Variants in RANBP17 observed in about 807,000 individuals in gnomAD.
The protein encoded by RANBP17 is RAN binding protein 17, also known as ran-binding protein 17.
In RANBP17, 158 loss-of-function variants were observed where a neutral mutation model predicts 141.2. That is an observed-to-expected ratio of 1.12 (90% confidence interval 0.98 to 1.28). RANBP17 has a LOEUF of 1.28. Among genes scored for constraint, RANBP17 ranks in the 50% most tolerant of loss-of-function variants. The probability of loss-of-function intolerance (pLI) is 0.00; values close to 1 mark genes in which losing one functional copy is unlikely to be tolerated. For missense variants in RANBP17, 1,438 were observed against 1,290.7 expected, an observed-to-expected ratio of 1.11 and a Z score of -1.75; for synonymous variants, 430 against 450.0, an observed-to-expected ratio of 0.96 and a Z score of 0.56.
chr5:171,231,214 C>T (rs892117199), intron 22 of RANBP17, among the ~76,000 whole-genome samples: 2 of 151,064 alleles, frequency 1.3e-5, no homozygotes, highest in East Asian at 2.0e-4. Context: ...CTCCCAAAGT[C>T]CTTGGATCAC....
At chr5:170,907,937 C>A (rs10062682) in intron 5 of RANBP17, among the ~76,000 whole-genome samples, 91,214 of 151,730 alleles carry the variant, frequency 0.6, 29,184 homozygotes, top group South Asian at 0.9. Flanking sequence ...CCACATTACT[C>A]ATCATCTTAG....
intron 24 of RANBP17, among the ~76,000 whole-genome samples, chr5:171,245,280 A>T (rs1765143928): frequency 6.6e-6 from 1 of 151,950 alleles, no homozygotes; most frequent in Admixed American, 6.5e-5. Context: ...GACATCATGA[A>T]TTTTACATGT....
intron 13 of RANBP17, among the ~76,000 whole-genome samples, chr5:170,955,395 A>G (rs1206490488): frequency 1.3e-5 from 2 of 148,870 alleles, no homozygotes. Flanking sequence ...TATTGATTAT[A>G]TTATTTACCT....
At chr5:170,937,898 TA>T (rs1774011023) in intron 12 of RANBP17, among the ~76,000 whole-genome samples, 1 of 152,224 alleles carries the variant, frequency 6.6e-6, no homozygotes, top group Non-Finnish European at 1.5e-5. Context: ...AGTAAAGAGT[TA>T]GTAATAACTT....
intron 12 of RANBP17, among the ~76,000 whole-genome samples, chr5:170,936,585 G>A (rs1272836799): frequency 6.6e-6 from 1 of 152,102 alleles, no homozygotes; most frequent in African/African-American, 2.4e-5. Flanking sequence ...CCTTGGTCAA[G>A]TATCATTTTG....
At chr5:171,280,343 T>A (rs567491206) in intron 25 of RANBP17, among the ~76,000 whole-genome samples, 1 of 152,146 alleles carries the variant, frequency 6.6e-6, no homozygotes, top group Non-Finnish European at 1.5e-5. Context: ...AGTGGCACAA[T>A]CTCAGCTCAC....
At chr5:171,163,074 T>C (rs1218597684) in intron 14 of RANBP17, among the ~76,000 whole-genome samples, 1 of 152,220 alleles carries the variant, frequency 6.6e-6, no homozygotes, top group African/African-American at 2.4e-5. Context: ...CAGATGCTGT[T>C]CCTTATTCAA....
intron 14 of RANBP17, among the ~76,000 whole-genome samples, chr5:171,137,360 G>A (rs1394348146): frequency 1.3e-5 from 2 of 152,120 alleles, no homozygotes; most frequent in African/African-American, 4.8e-5. Context: ...CTGTAGTATA[G>A]ACTGCATGGT....
chr5:170,938,037 G>T (rs1253418940), intron 12 of RANBP17, among the ~76,000 whole-genome samples: 1 of 151,986 alleles, frequency 6.6e-6, no homozygotes, highest in African/African-American at 2.4e-5. Context: ...CTCTGATTCT[G>T]TGTCTCTCCT....
intron 25 of RANBP17, among the ~76,000 whole-genome samples, chr5:171,284,308 CATTTTATTTT>C (rs1347132904): frequency 6.6e-6 from 1 of 151,796 alleles, no homozygotes; most frequent in Non-Finnish European, 1.5e-5. Flanking sequence ...CTTTTTATTT[CATTTTATTTT>C]ATTTTATTTT....
In RANBP17 at chr5:171,261,081, C is replaced by T. The variant is rs367660200; in HGVS notation, c.2777-4600C>T. ...GATTTTACACATTAGCTTCACCCCC[C>T]ACCCCCCCCAAAAAAAAAAACCAAA... On this transcript the variant is annotated intron_variant, in intron 24 of 27. Transcript: ENST00000523189. Among the ~76,000 whole-genome samples the T allele has an allele frequency of 9.0e-4, 51 of 56,446 alleles. 2 individuals carry two copies. Among genetic ancestry groups the T allele is most frequent in the Non-Finnish European group, 1.2e-3 (36 of 29,612 alleles). 37.0% of individuals were successfully genotyped at this position (56,446 alleles called of 152,430 possible). A position where few individuals can be genotyped will look rare whatever the true frequency, so the allele number is the denominator to read the frequency against.
chr5:171,288,493 A>G (rs1581189068), intron 25 of RANBP17, among the ~76,000 whole-genome samples: 1 of 152,366 alleles, frequency 6.6e-6, no homozygotes, highest in African/African-American at 2.4e-5. Context: ...ACAACAAGAC[A>G]GTGGCAGCCA....
At chr5:171,189,079 TA>T (rs1761459963) in intron 18 of RANBP17, among the ~76,000 whole-genome samples, 1 of 152,162 alleles carries the variant, frequency 6.6e-6, no homozygotes, top group Admixed American at 6.5e-5. Flanking sequence ...TTTTTAAATG[TA>T]AATATCTGTT....
chr5:170,900,238 T>C (rs1770514158), intron 5 of RANBP17, among the ~76,000 whole-genome samples: 1 of 152,162 alleles, frequency 6.6e-6, no homozygotes, highest in Non-Finnish European at 1.5e-5. Flanking sequence ...GGGTTTAGTC[T>C]TGGGAGGTAT....
At chr5:171,271,260 G>A (rs1377825104) in intron 25 of RANBP17, 1 of 215,284 alleles carries the variant, frequency 4.6e-6, no homozygotes, top group Non-Finnish European at 9.4e-6. Flanking sequence ...TTTGTATAGT[G>A]CTCTTCATGA....
chr5:171,043,720 A>AC (rs2127639213), intron 14 of RANBP17, among the ~76,000 whole-genome samples: 1 of 152,264 alleles, frequency 6.6e-6, no homozygotes, highest in South Asian at 2.1e-4. Flanking sequence ...AGGGAGTTGG[A>AC]CTAGGGTAAG....
At chr5:171,252,322 CG>C in intron 24 of RANBP17, 2 of 1,544,226 alleles carry the variant, frequency 1.3e-6, no homozygotes, top group Non-Finnish European at 1.8e-6. Flanking sequence ...AGACCCAATG[CG>C]GGTTCATGAG....
chr5:171,038,162 T>TTG (rs61652416), intron 14 of RANBP17, among the ~76,000 whole-genome samples: 75,238 of 144,566 alleles, frequency 0.52, 20,121 homozygotes, highest in East Asian at 0.65. Context: ...TTCTTAGGTA[T>TTG]TGTGTGTGTG....
At chr5:171,047,014 CTTTTTTTTTT>C (rs35304788) in intron 14 of RANBP17, among the ~76,000 whole-genome samples, 4 of 97,762 alleles carry the variant, frequency 4.1e-5, no homozygotes, top group Non-Finnish European at 7.7e-5. Context: ...TTTATTTTGC[CTTTTTTTTTT>C]TTTTTTTTTT....
Sources: allele counts gnomAD v4.1 joint callset (sites outside exome capture counted in the v4.1 genomes callset), GRCh38; gene constraint gnomAD v4.1.1; transcripts MANE v1.5; gene names NCBI Gene and HGNC (gene_info 2026-07-23, HGNC 2026-07-21).